Variants in SOX5 observed in about 807,000 individuals in gnomAD.
SOX5 encodes the protein transcription factor SOX-5.
SOX5 carries 9 observed loss-of-function variants against 92.0 expected under a neutral mutation model. The observed-to-expected ratio is 0.10, with a 90% confidence interval of 0.06 to 0.17. SOX5 has a LOEUF of 0.17. SOX5 is among the 10% of genes least tolerant of loss of function. The pLI, the probability that SOX5 is intolerant of heterozygous loss-of-function variation, is 1.00. For missense variants in SOX5, 642 were observed against 944.5 expected (o/e 0.68, Z 4.20); for synonymous variants, 344 against 336.3 (o/e 1.02, Z -0.25).
intron 2 of SOX5, among the ~76,000 whole-genome samples, chr12:24,311,231 T>C (rs1219302773): frequency 2.6e-5 from 4 of 152,186 alleles, no homozygotes; most frequent in African/African-American, 4.8e-5. Flanking sequence ...TACTCTAAAA[T>C]CATACTTCTA....
At chr12:24,258,170 A>C (rs7302904) in intron 3 of SOX5, among the ~76,000 whole-genome samples, 100,253 of 151,674 alleles carry the variant, frequency 0.66, 36,216 homozygotes, top group East Asian at 0.95. Context: ...AGACTCCGTC[A>C]AAAAACACAC....
chr12:23,832,553 G>A lies in SOX5; in HGVS notation c.481+13430C>T, dbSNP rs182499794. ...TATATCTAAAGTAACAATGTTTCAAGGTAGCCAGGGTGAAATAATGACAAT... is the reference window on the plus strand; with the variant it reads ...TATATCTAAAGTAACAATGTTTCAAAGTAGCCAGGGTGAAATAATGACAAT... On this transcript the variant is annotated intron_variant, in intron 3 of 14. Coordinates refer to ENST00000451604, the MANE Select transcript of SOX5 (RefSeq NM_006940.6). 9.9e-3 allele frequency among the ~76,000 whole-genome samples: 1,499 copies of A among 152,024 alleles called. 7 individuals are homozygous for A. The highest frequency in any genetic ancestry group is 0.016 in the Non-Finnish European group (1,117 of 67,948).
intron 1 of SOX5, among the ~76,000 whole-genome samples, chr12:24,497,674 C>G (rs1947782766): frequency 6.6e-6 from 1 of 152,138 alleles, no homozygotes; most frequent in African/African-American, 2.4e-5. Flanking sequence ...AAAAATACCA[C>G]TTGACCCAGC....
At chr12:23,736,656 T>C (rs964409897) in intron 5 of SOX5, among the ~76,000 whole-genome samples, 2 of 149,588 alleles carry the variant, frequency 1.3e-5, no homozygotes, top group African/African-American at 5.0e-5. Context: ...ATCTTTGGAA[T>C]ATGGTAAAAA....
At chr12:23,626,594 T>A (rs2077819305) in intron 8 of SOX5, among the ~76,000 whole-genome samples, 1 of 151,536 alleles carries the variant, frequency 6.6e-6, no homozygotes, top group South Asian at 2.1e-4. Context: ...AATGTGTCCA[T>A]GAATCAGGAA....
At chr12:23,772,213 G>T (rs948117306) in intron 3 of SOX5, among the ~76,000 whole-genome samples, 1 of 152,196 alleles carries the variant, frequency 6.6e-6, no homozygotes, top group South Asian at 2.1e-4. Context: ...CTGTGAAGAC[G>T]TTGGCAATTT....
At chr12:24,533,328 T>C (rs1035562718) in intron 1 of SOX5, among the ~76,000 whole-genome samples, 8 of 152,334 alleles carry the variant, frequency 5.3e-5, no homozygotes, top group South Asian at 2.1e-4. Context: ...GAAGATAATT[T>C]GATGTTAAGT....
At chr12:24,056,152 C>T (rs934665997) in intron 4 of SOX5, among the ~76,000 whole-genome samples, 4 of 152,114 alleles carry the variant, frequency 2.6e-5, no homozygotes, top group Non-Finnish European at 4.4e-5. Context: ...TAAAAAAATA[C>T]ACACCAGTTA....
At chr12:23,568,565 A>T (rs868191703) in intron 10 of SOX5, among the ~76,000 whole-genome samples, 1 of 152,094 alleles carries the variant, frequency 6.6e-6, no homozygotes, top group South Asian at 2.1e-4. Flanking sequence ...TGAGTACCTG[A>T]TATGCAGCAT....
chr12:23,564,537 A>C lies in SOX5; in HGVS notation c.1343-1134T>G, dbSNP rs923578513. On this transcript the variant is annotated intron_variant, in intron 10 of 14. Coordinates refer to ENST00000451604, the MANE Select transcript of SOX5 (RefSeq NM_006940.6). ...CAGAAGGCAGGCACTAATCACACAT[A>C]AAATGACCGGCTTGCCTCAACATGT... 2.0e-5 allele frequency among the ~76,000 whole-genome samples: 3 copies of C among 152,204 alleles called. No individual in the cohort carries two copies. The East Asian group carries it at 5.8e-4, about 29-fold the overall frequency.
At chr12:23,813,457 T>C (rs767102011) in intron 3 of SOX5, among the ~76,000 whole-genome samples, 23 of 152,254 alleles carry the variant, frequency 1.5e-4, no homozygotes, top group Non-Finnish European at 3.1e-4. Context: ...CTCATTCACC[T>C]GCATACCAAT....
intron 3 of SOX5, among the ~76,000 whole-genome samples, chr12:23,760,048 G>A (rs1279630130): frequency 1.3e-5 from 2 of 151,926 alleles, no homozygotes; most frequent in African/African-American, 4.8e-5. Flanking sequence ...AGAGTCTCCT[G>A]AAAATTCCTC....
chr12:23,894,450 C>T (rs1595445234), intron 2 of SOX5, among the ~76,000 whole-genome samples: 1 of 152,042 alleles, frequency 6.6e-6, no homozygotes, highest in East Asian at 1.9e-4. Context: ...TAGTCTTGAA[C>T]TCCTGACCTC....
intron 13 of SOX5, among the ~76,000 whole-genome samples, chr12:23,539,710 C>T (rs1432658972): frequency 6.6e-6 from 1 of 151,768 alleles, no homozygotes; most frequent in East Asian, 1.9e-4. Context: ...CTGGCATGAA[C>T]GGGAATTATA....
At chr12:23,789,117 CAGAAA>C (rs1185604669) in intron 3 of SOX5, among the ~76,000 whole-genome samples, 3 of 150,946 alleles carry the variant, frequency 2.0e-5, no homozygotes, top group Admixed American at 6.6e-5. Context: ...CAAGAGCACA[CAGAAA>C]AGAAAAGGAG....
intron 1 of SOX5, among the ~76,000 whole-genome samples, chr12:24,422,512 A>C (rs1044124431): frequency 1.3e-5 from 2 of 152,220 alleles, no homozygotes. Context: ...ACTGATCTGC[A>C]GAGTCACCTG....
At chr12:24,486,437 G>C (rs897933383) in intron 1 of SOX5, among the ~76,000 whole-genome samples, 3 of 152,116 alleles carry the variant, frequency 2.0e-5, no homozygotes, top group African/African-American at 7.2e-5. Flanking sequence ...AGTTACAATG[G>C]GAGACTCTTC....
At chr12:23,852,955 A>G (rs754457703) in intron 2 of SOX5, among the ~76,000 whole-genome samples, 1 of 151,898 alleles carries the variant, frequency 6.6e-6, no homozygotes, top group East Asian at 1.9e-4. Context: ...AGAGGCAGAG[A>G]AGGAAAGGGG....
chr12:24,495,151 T>C (rs886839882), intron 1 of SOX5, among the ~76,000 whole-genome samples: 46 of 152,206 alleles, frequency 3.0e-4, no homozygotes, highest in African/African-American at 1.0e-3. Context: ...CAAGAAACAG[T>C]GAAATTTACT....
Sources: allele counts gnomAD v4.1 joint callset (sites outside exome capture counted in the v4.1 genomes callset), GRCh38; gene constraint gnomAD v4.1.1; transcripts MANE v1.5; gene names NCBI Gene and HGNC (gene_info 2026-07-23, HGNC 2026-07-21).